DCTN4: variants seen among roughly 807,000 people sequenced by gnomAD.
DCTN4 encodes dynactin 4 (p62).
DCTN4 carries 23 observed loss-of-function variants against 62.7 expected under a neutral mutation model. The observed-to-expected ratio is 0.37, with a 90% CI of 0.26 to 0.52. The LOEUF is 0.52. DCTN4 is among the 20% of genes least tolerant of loss of function. DCTN4 has a pLI of 0.92. For synonymous variants in DCTN4, 199 were observed against 202.1 expected (o/e 0.98, Z 0.13); for missense variants, 514 against 580.4 (o/e 0.89, Z 1.18).
At chr5:150,757,792 G>C (rs1036831393) in intron 1 of DCTN4, 7 of 152,150 alleles carry the variant, frequency 4.6e-5, no homozygotes, top group African/African-American at 1.4e-4. Flanking sequence ...ATGGCTTATA[G>C]TATGTGTTTT....
rs145961735 is a variant in DCTN4, at chr5:150,711,239, G to T, written c.1293C>A (p.Pro431=). The T allele has an allele frequency of 1.1e-3, 1,729 of 1,613,130 alleles. 24 individuals carry two copies. The African/African-American group carries it at 0.02, about 19-fold the overall frequency. The change falls in exon 13 of 13, where the codon CCC becomes CCA. Residue 431 remains proline (P), a synonymous_variant. Transcript: ENST00000447998. Reference sequence around the variant, plus strand: ...GGTCACTTTCTTCAATGGGGCGAATGGGGGCTGCCAGGTTTTTAAAATCAT... The same window carrying T: ...GGTCACTTTCTTCAATGGGGCGAATTGGGGCTGCCAGGTTTTTAAAATCAT... ...MKHDFKNLAA[P]IRPIEESDQG...
chr5:150,751,522 T>G (rs992119054), intron 3 of DCTN4, among the ~76,000 whole-genome samples: 3 of 152,150 alleles, frequency 2.0e-5, no homozygotes, highest in African/African-American at 7.2e-5. Context: ...AACAATACTT[T>G]AGTTCACTGA....
At chr5:150,725,874 T>G (rs983833670) in intron 8 of DCTN4, among the ~76,000 whole-genome samples, 2 of 152,132 alleles carry the variant, frequency 1.3e-5, no homozygotes, top group African/African-American at 4.8e-5. Flanking sequence ...AGCTGGCTAT[T>G]TATTATATTT....
intron 4 of DCTN4, 171 bp from the exon 5 acceptor site, chr5:150,733,646 G>C: frequency 2.1e-6 from 1 of 477,022 alleles, no homozygotes; most frequent in Non-Finnish European, 3.7e-6. Context: ...TCTGTTTTCC[G>C]AAGTGAAATG....
chr5:150,748,468 C>T (rs1314105186), intron 3 of DCTN4, among the ~76,000 whole-genome samples: 1 of 151,960 alleles, frequency 6.6e-6, no homozygotes, highest in East Asian at 1.9e-4. Context: ...AATCATGCTG[C>T]TATAAAGACA....
intron 3 of DCTN4, among the ~76,000 whole-genome samples, chr5:150,751,254 C>A (rs1243260544): frequency 6.6e-6 from 1 of 152,046 alleles, no homozygotes; most frequent in African/African-American, 2.4e-5. Flanking sequence ...CCAATGACAT[C>A]AAGGAGGAAA....
intron 3 of DCTN4, 147 bp from the exon 4 acceptor site, chr5:150,742,304 C>A: frequency 1.3e-6 from 1 of 764,538 alleles, no homozygotes; most frequent in South Asian, 1.6e-5. Context: ...CTATAATGTT[C>A]AGAACAAAAT....
chr5:150,731,713 C>T (rs2113058091), intron 5 of DCTN4: 3 of 672,532 alleles, frequency 4.5e-6, no homozygotes, highest in Non-Finnish European at 7.7e-6. Context: ...TATATTAATA[C>T]AGTAAAAATG....
intron 2 of DCTN4, chr5:150,755,715 C>A (rs1344677233): frequency 2.4e-5 from 8 of 337,560 alleles, no homozygotes; most frequent in African/African-American, 6.5e-5. Context: ...AGTCTAGAGA[C>A]ATAACTATAA....
At chr5:150,726,797 A>C (rs531569331) in intron 8 of DCTN4, among the ~76,000 whole-genome samples, 2 of 152,250 alleles carry the variant, frequency 1.3e-5, no homozygotes, top group South Asian at 4.1e-4. Flanking sequence ...GTTTTGCAGC[A>C]CTCTAAACTT....
chr5:150,724,501 T>C (rs1760068910), intron 8 of DCTN4, among the ~76,000 whole-genome samples: 1 of 152,180 alleles, frequency 6.6e-6, no homozygotes. Flanking sequence ...TGCTTATTTG[T>C]ATTACTTATG....
chr5:150,729,488 C>T (rs1372408431), intron 8 of DCTN4, among the ~76,000 whole-genome samples: 1 of 151,816 alleles, frequency 6.6e-6, no homozygotes, highest in Non-Finnish European at 1.5e-5. Flanking sequence ...CATTATTTTG[C>T]AACAAATATC....
Position 150,733,523 on chromosome 5 carries a change from A to G in DCTN4, c.430-48T>C, listed in dbSNP as rs114700037. ...GTACACAAAAAAGCTAACAGAAAAC[A>G]TATCAAATTAATCAACTACACTGAC... is the stretch of plus-strand genomic sequence containing the variant. On this transcript the variant is annotated intron_variant, in intron 4 of 12. Transcript: ENST00000447998. The G allele has an allele frequency of 3.4e-3, 4,728 of 1,379,982 alleles. 133 individuals are homozygous for G. The African/African-American group carries it at 0.058, about 17-fold the overall frequency. The allele number at this position is 1,379,982 out of a possible 1,614,324, so 85.5% of individuals were successfully genotyped here.
intron 11 of DCTN4, among the ~76,000 whole-genome samples, chr5:150,717,769 C>T (rs533888498): frequency 1.3e-5 from 2 of 152,306 alleles, no homozygotes; most frequent in South Asian, 4.1e-4. Context: ...ATACACAATT[C>T]TCCAGTGTCA....
intron 10 of DCTN4, among the ~76,000 whole-genome samples, chr5:150,719,246 G>A (rs977559812): frequency 1.3e-5 from 2 of 152,188 alleles, no homozygotes; most frequent in Non-Finnish European, 2.9e-5. Flanking sequence ...TTCAGGAGCA[G>A]CATGAAAGAA....
At chr5:150,753,406 G>A (rs1427528011) in intron 3 of DCTN4, 73 bp downstream of exon 3, 34 of 1,411,360 alleles carry the variant, frequency 2.4e-5, no homozygotes, top group Middle Eastern at 1.9e-4. Context: ...ACGGGTTACA[G>A]AAATAATAAT....
intron 8 of DCTN4, among the ~76,000 whole-genome samples, chr5:150,727,076 A>T (rs957428584): frequency 6.6e-6 from 1 of 152,160 alleles, no homozygotes; most frequent in Non-Finnish European, 1.5e-5. Context: ...AAGAACAAGG[A>T]TAATGGCGGG....
intron 8 of DCTN4, among the ~76,000 whole-genome samples, chr5:150,726,586 T>C (rs1046229028): frequency 2.0e-5 from 3 of 152,322 alleles, no homozygotes; most frequent in Non-Finnish European, 2.9e-5. Context: ...GGCACTTAAA[T>C]ATTTTTGGAG....
rs1175154769 is a variant in DCTN4, at chr5:150,753,596, T to C, written c.268A>G (p.Ile90Val). 1 of 1,614,064 alleles carries C rather than the reference T, an allele frequency of 6.2e-7. No homozygotes were observed. Among genetic ancestry groups the C allele is most frequent in the Admixed American group, 1.7e-5 (1 of 59,994 alleles). ...GGGTCATCTGGAAGCTGTGTGGAGA[T>C]GCTCGTGGCCCGAGTAGAGAGGGTG... ...MHTLSTRATS[I>V]STQLPDDPAK... Residue 90 changes from isoleucine (I) to valine (V), a missense_variant, in exon 3 of 13, where the codon ATC becomes GTC. Physicochemically the swap from Ile to Val is conservative, Grantham distance 29. Coordinates refer to ENST00000447998, the MANE Select transcript of DCTN4 (RefSeq NM_016221.4).
Sources: allele counts gnomAD v4.1 joint callset (sites outside exome capture counted in the v4.1 genomes callset), GRCh38; gene constraint gnomAD v4.1.1; transcripts MANE v1.5; gene names NCBI Gene and HGNC (gene_info 2026-07-23, HGNC 2026-07-21).